SLC22A23: variants seen among roughly 807,000 people sequenced by gnomAD.
SLC22A23 encodes the protein ion transporter protein.
SLC22A23 carries 26 observed loss-of-function variants against 61.0 expected under a neutral mutation model. The observed-to-expected ratio is 0.43, with a 90% CI of 0.31 to 0.59. SLC22A23 has a LOEUF of 0.59. Ranked by LOEUF, SLC22A23 falls within the 20% of genes least tolerant of loss-of-function variation. SLC22A23 has a pLI of 0.11. For missense variants in SLC22A23, 796 were observed against 934.7 expected (o/e 0.85, Z 1.94); for synonymous variants, 430 against 413.9 (o/e 1.04, Z -0.47).
chr6:3,326,220 T>C (rs1396508354), intron 3 of SLC22A23, among the ~76,000 whole-genome samples: 3 of 152,254 alleles, frequency 2.0e-5, no homozygotes, highest in Admixed American at 2.0e-4. Flanking sequence ...AGTGTGACTG[T>C]CAATATGACA....
intron 3 of SLC22A23, among the ~76,000 whole-genome samples, chr6:3,338,555 C>T (rs1193678087): frequency 6.6e-6 from 1 of 152,222 alleles, no homozygotes; most frequent in Admixed American, 6.5e-5. Flanking sequence ...GAACTCCTGC[C>T]CGCCTTGGCC....
intron 3 of SLC22A23, among the ~76,000 whole-genome samples, chr6:3,341,106 T>G (rs1764128386): frequency 6.6e-6 from 1 of 152,158 alleles, no homozygotes; most frequent in African/African-American, 2.4e-5. Context: ...ACATACAGCA[T>G]TTAATATAGA....
intron 4 of SLC22A23, among the ~76,000 whole-genome samples, chr6:3,300,527 A>G (rs1225397057): frequency 6.6e-6 from 1 of 152,154 alleles, no homozygotes; most frequent in Non-Finnish European, 1.5e-5. Flanking sequence ...TATGAGCAAC[A>G]CACGCTTGCC....
chr6:3,313,054 G>A (rs1039262118), intron 4 of SLC22A23: 1 of 152,210 alleles, frequency 6.6e-6, no homozygotes, highest in Non-Finnish European at 1.5e-5. Flanking sequence ...CAGAGGCTCA[G>A]TGCTCACTTC....
intron 1 of SLC22A23, among the ~76,000 whole-genome samples, chr6:3,440,029 C>A (rs887641800): frequency 6.6e-6 from 1 of 151,970 alleles, no homozygotes; most frequent in Non-Finnish European, 1.5e-5. Context: ...TGGAGAGCCA[C>A]GGAGGATTTG....
Position 3,342,874 on chromosome 6 carries a change from AGAG to A in SLC22A23, c.914-18875_914-18873del, listed in dbSNP as rs1764227955. Reference sequence around the variant, plus strand: ...GGCAGGAGAGTGCAAAAAATGGCTCAGAGAAGAGGTTGGAATTTGGGGCTTTAT... The same window carrying A: ...GGCAGGAGAGTGCAAAAAATGGCTCAAAGAGGTTGGAATTTGGGGCTTTAT... On this transcript the variant is annotated intron_variant, in intron 3 of 9. Coordinates refer to ENST00000406686, the MANE Select transcript of SLC22A23 (RefSeq NM_015482.2). The surrounding 1 kb of genome is among the most constrained non-coding windows in gnomAD (Gnocchi z 4.0). Among the ~76,000 whole-genome samples, 1 of 152,220 alleles carries A rather than the reference AGAG, an allele frequency of 6.6e-6. No individual in the cohort carries two copies. Among genetic ancestry groups the A allele is most frequent in the South Asian group, 2.1e-4 (1 of 4,832 alleles).
At chr6:3,365,147 C>T (rs995299585) in intron 3 of SLC22A23, among the ~76,000 whole-genome samples, 14 of 152,098 alleles carry the variant, frequency 9.2e-5, no homozygotes, top group African/African-American at 2.9e-4. Flanking sequence ...GGTGAAACCC[C>T]GTCTCTACTA....
intron 3 of SLC22A23, among the ~76,000 whole-genome samples, chr6:3,376,932 G>A (rs574947873): frequency 1.3e-5 from 2 of 152,154 alleles, no homozygotes; most frequent in South Asian, 4.2e-4. Context: ...GATGGAGGAA[G>A]AAGGGCATTT....
In SLC22A23 at chr6:3,286,858, C is replaced by T. The variant is rs151086698; in HGVS notation, c.1546+1G>A. ...CCAGCCCACCTCCCCGACCCACTCA[C>T]GGTTGAGGAGGCCGAGCTGCAGGAG... On this transcript the variant is annotated splice_donor_variant, in intron 7 of 9. Coordinates refer to ENST00000406686, the MANE Select transcript of SLC22A23 (RefSeq NM_015482.2). LOFTEE classifies it high-confidence loss of function. This position sits in a 1 kb window ranked among gnomAD's most constrained non-coding sequence, Gnocchi z 4.2. 1 of 1,577,950 alleles carries T rather than the reference C, an allele frequency of 6.3e-7. No individual in the cohort carries two copies. Among genetic ancestry groups the T allele is most frequent in the Non-Finnish European group, 8.6e-7 (1 of 1,161,890 alleles).
At position 3,436,915 on chromosome 6, in the gene SLC22A23, G is replaced by A. The variant is rs187946324; in HGVS notation, c.654+18991C>T. Among the ~76,000 whole-genome samples, 10 of 152,310 alleles carry A rather than the reference G, an allele frequency of 6.6e-5. No homozygotes were observed. In the East Asian group the frequency reaches 1.2e-3, roughly 18 times the overall value. ...CGCAAAAGAAAGGCTGCTGTGTGTC[G>A]TTGCTTCCCCGTACTCAAGGAGAAA... is the stretch of plus-strand genomic sequence containing the variant. On this transcript the variant is annotated intron_variant, in intron 1 of 9. Transcript: ENST00000406686.
chr6:3,419,745 C>G (rs1274736722), intron 1 of SLC22A23, among the ~76,000 whole-genome samples: 1 of 152,198 alleles, frequency 6.6e-6, no homozygotes, highest in Non-Finnish European at 1.5e-5. Context: ...TACAGTTGCT[C>G]TAGCAACTCA....
intron 3 of SLC22A23, among the ~76,000 whole-genome samples, chr6:3,391,056 T>C (rs554670316): frequency 1.2e-4 from 19 of 152,330 alleles, no homozygotes; most frequent in African/African-American, 1.9e-4. Context: ...ATCAGCCCTG[T>C]CCCTTCTCTC....
intron 3 of SLC22A23, among the ~76,000 whole-genome samples, chr6:3,380,259 G>A (rs1766872412): frequency 6.6e-6 from 1 of 152,168 alleles, no homozygotes; most frequent in Non-Finnish European, 1.5e-5. Flanking sequence ...TGGTCTGGGT[G>A]AACAGGCATG....
chr6:3,270,305 C>T lies in SLC22A23; in HGVS notation c.*2750G>A, dbSNP rs191303024. On this transcript the variant is annotated 3_prime_UTR_variant, in exon 10 of 10. Transcript: ENST00000406686. Reference sequence around the variant, plus strand: ...CAGACGGTGCTGGGAAGTGGGCAGCCGTAGCAGCCTCCCCTGCTGAGCCCG... The same window carrying T: ...CAGACGGTGCTGGGAAGTGGGCAGCTGTAGCAGCCTCCCCTGCTGAGCCCG... 32 of 152,496 alleles carry T rather than the reference C, an allele frequency of 2.1e-4. No homozygotes were observed. The highest frequency in any genetic ancestry group is 3.4e-3 in the Middle Eastern group (1 of 298). The allele number at this position is 152,496 out of a possible 1,614,324, so 9.4% of individuals were successfully genotyped here. A position where few individuals can be genotyped will look rare whatever the true frequency, so the allele number is the denominator to read the frequency against.
intron 1 of SLC22A23, among the ~76,000 whole-genome samples, chr6:3,416,113 T>A (rs1483932147): frequency 6.6e-6 from 1 of 152,208 alleles, no homozygotes; most frequent in African/African-American, 2.4e-5. Context: ...TCTGGGGATG[T>A]GTATTCTTCT....
At chr6:3,393,592 G>T (rs1767808725) in intron 3 of SLC22A23, among the ~76,000 whole-genome samples, 2 of 152,190 alleles carry the variant, frequency 1.3e-5, no homozygotes. Context: ...TGCCTCATAG[G>T]ATGATGTGAG....
At chr6:3,397,436 T>C (rs1768085613) in intron 3 of SLC22A23, among the ~76,000 whole-genome samples, 1 of 152,142 alleles carries the variant, frequency 6.6e-6, no homozygotes, top group African/African-American at 2.4e-5. Context: ...GCTCAGTAAG[T>C]GTTATCTCTG....
chr6:3,362,559 C>T (rs1349929851), intron 3 of SLC22A23, among the ~76,000 whole-genome samples: 2 of 152,050 alleles, frequency 1.3e-5, no homozygotes, highest in African/African-American at 4.8e-5. Context: ...TGGCCCTGGG[C>T]TCCATGGGAT....
chr6:3,355,627 C>G (rs1434686169), intron 3 of SLC22A23, among the ~76,000 whole-genome samples: 4 of 152,152 alleles, frequency 2.6e-5, no homozygotes, highest in Non-Finnish European at 4.4e-5. Flanking sequence ...CGCCCCGCTC[C>G]CTGTATCAGC....
Sources: gnomAD v4.1 joint callset for allele counts (sites outside exome capture counted in the v4.1 genomes callset) on GRCh38, gnomAD v4.1.1 for gene constraint, Gnocchi (gnomAD v3.1) non-coding constraint, MANE v1.5 for transcripts, NCBI Gene and HGNC (gene_info 2026-07-23, HGNC 2026-07-21) for gene names.